The following KNL1 variants were observed in gnomAD, a reference collection of about 807,000 sequenced individuals.
The protein encoded by KNL1 is kinetochore scaffold 1, also known as outer kinetochore KNL1 complex subunit KNL1.
A neutral mutation model predicts 201.3 loss-of-function variants in KNL1; 66 were observed. The ratio of observed to expected loss-of-function variants is 0.33; its 90% CI spans 0.27 to 0.40. KNL1 has a LOEUF of 0.40. Ranked by LOEUF, KNL1 falls within the 10% of genes least tolerant of loss-of-function variation. KNL1 has a pLI of 1.00. For synonymous variants in KNL1, 895 were observed against 899.2 expected (o/e 1.00, Z 0.08); for missense variants, 2,815 against 2,690.5 (o/e 1.05, Z -1.02).
At chr15:40,604,093 C>T (rs1891896555) in intron 2 of KNL1, among the ~76,000 whole-genome samples, 1 of 151,230 alleles carries the variant, frequency 6.6e-6, no homozygotes, top group South Asian at 2.1e-4. Context: ...GTTCTGCCTC[C>T]TACCTCAAGA....
chr15:40,609,841 TTAAAAA>T (rs1398596144), intron 5 of KNL1, among the ~76,000 whole-genome samples: 5 of 151,910 alleles, frequency 3.3e-5, no homozygotes, highest in African/African-American at 1.2e-4. Flanking sequence ...AGAATCTTAG[TTAAAAA>T]TAAATAAATA....
intron 7 of KNL1, among the ~76,000 whole-genome samples, chr15:40,614,100 C>CTT (rs1567003428): frequency 8.1e-6 from 1 of 123,330 alleles, no homozygotes; most frequent in Non-Finnish European, 1.7e-5. Context: ...GCCTGGCCCC[C>CTT]CTTTTTTTTT....
chr15:40,603,432 T>C (rs140236638), intron 2 of KNL1, among the ~76,000 whole-genome samples: 1 of 152,272 alleles, frequency 6.6e-6, no homozygotes, highest in East Asian at 1.9e-4. Flanking sequence ...CAAAAAGAAG[T>C]AGATGTTACA....
intron 2 of KNL1, among the ~76,000 whole-genome samples, chr15:40,604,447 A>C (rs147465884): frequency 6.6e-5 from 10 of 152,298 alleles, no homozygotes; most frequent in African/African-American, 2.4e-4. Flanking sequence ...CCTGGGCTCA[A>C]GTGATTCTCC....
At chr15:40,614,693 C>T (rs544619978) in intron 7 of KNL1, among the ~76,000 whole-genome samples, 59 of 152,238 alleles carry the variant, frequency 3.9e-4, no homozygotes, top group African/African-American at 1.3e-3. Flanking sequence ...TCTTATAGCA[C>T]TTTCTATGTT....
chr15:40,640,898 A>T lies in KNL1; in HGVS notation c.5683-14A>T, dbSNP rs1260996803. ...CAAGATACCAGTTCTCAGGGACTGA[A>T]TTTTTTTTTCCAGTTTACTGTAAAC... On this transcript the variant is annotated splice_polypyrimidine_tract_variant and intron_variant, in intron 13 of 25. Transcript: ENST00000399668. 1.3e-6 allele frequency: 2 copies of T among 1,507,454 alleles called. No individual in the cohort carries two copies. Among genetic ancestry groups the T allele is most frequent in the Non-Finnish European group, 1.8e-6 (2 of 1,088,952 alleles). 93.4% of individuals were successfully genotyped at this position (1,507,454 alleles called of 1,614,324 possible).
chr15:40,621,815 AATG>A lies in KNL1; in HGVS notation c.1555_1557del (p.Met519del), dbSNP rs755401998. On this transcript the variant is annotated inframe_deletion, in exon 10 of 26. Transcript: ENST00000399668. ...CAGCTGCACCAACACCCGAAAAAGAAATGATGCTCCAAAATCTTATGACCACAT... is the reference window on the plus strand; with the variant it reads ...CAGCTGCACCAACACCCGAAAAAGAAATGCTCCAAAATCTTATGACCACAT... 1 of 1,613,998 alleles carries A rather than the reference AATG, an allele frequency of 6.2e-7. No individual in the cohort carries two copies. Among genetic ancestry groups the A allele is most frequent in the East Asian group, 2.2e-5 (1 of 44,872 alleles).
chr15:40,624,242 T>A lies in KNL1; in HGVS notation c.3978T>A (p.Asp1326Glu). The change falls in exon 10 of 26, where the codon GAT becomes GAA. Residue 1326 changes from aspartate (D) to glutamate (E), a missense_variant. By Grantham distance (45) the Asp-to-Glu change is conservative. Transcript: ENST00000399668. The part of the protein sequence containing the change: ...EGSAMLLCDK[D>E]EEKANYCPVQ... ...GTGCCATGCTCTTATGTGATAAAGATGAGGAAAAAGCCAATTATTGCCCAG... is the reference window on the plus strand; with the variant it reads ...GTGCCATGCTCTTATGTGATAAAGAAGAGGAAAAAGCCAATTATTGCCCAG... 2 of 1,614,022 alleles carry A rather than the reference T, an allele frequency of 1.2e-6. No individual in the cohort carries two copies.
intron 14 of KNL1, 142 bp downstream of exon 14, chr15:40,641,169 G>C (rs965130899): frequency 1.8e-6 from 1 of 565,034 alleles, no homozygotes; most frequent in Non-Finnish European, 3.1e-6. Context: ...GGGAGAAAGA[G>C]CTTTGGCCTC....
intron 25 of KNL1, among the ~76,000 whole-genome samples, chr15:40,659,892 T>TGTGTGTGTG (rs879552542): frequency 8.3e-6 from 1 of 120,096 alleles, no homozygotes; most frequent in African/African-American, 3.1e-5. Flanking sequence ...TTTGAAGAAT[T>TGTGTGTGTG]TATGTGTGTG....
At chr15:40,631,026 G>A (rs1447846630) in intron 13 of KNL1, among the ~76,000 whole-genome samples, 1 of 152,150 alleles carries the variant, frequency 6.6e-6, no homozygotes, top group African/African-American at 2.4e-5. Context: ...GCTGAGGTGG[G>A]AGGATGGCTT....
At position 40,606,409 on chromosome 15, in the gene KNL1, G is replaced by A. The variant is rs762308304; in HGVS notation, c.92G>A (p.Arg31Lys). ...RRHSSILKPP[R>K]SPLQDLRGGN... The stretch of plus-strand genomic sequence containing the variant: ...TTACCCTAGATATTGAAACCCCCAA[G>A]GAGTCCTCTTCAGGACCTCAGAGGT... Residue 31 changes from arginine (R) to lysine (K), a missense_variant, in exon 4 of 26, where the codon AGG (arginine) becomes AAG (lysine). Around this residue, in one of 3 missense-constraint regions of KNL1, gnomAD observed 2,464 missense variants for 2,291.7 expected, o/e 1.08. Transcript: ENST00000399668. 8.9e-6 allele frequency: 14 copies of A among 1,580,292 alleles called. No individual in the cohort carries two copies. The Admixed American group carries it at 1.7e-4, about 19-fold the overall frequency.
intron 13 of KNL1, among the ~76,000 whole-genome samples, chr15:40,638,585 G>C (rs1167192283): frequency 6.6e-6 from 1 of 151,640 alleles, no homozygotes; most frequent in Non-Finnish European, 1.5e-5. Flanking sequence ...TCCGCCTCCC[G>C]GGTTCAAGTG....
At chr15:40,615,406 T>A in intron 8 of KNL1, 28 bp downstream of exon 8, 1 of 620,298 alleles carries the variant, frequency 1.6e-6, no homozygotes, top group South Asian at 1.8e-5. Context: ...ACTTTTCTTA[T>A]AGTAAGATAG....
chr15:40,598,256 T>C (rs1213289608), intron 1 of KNL1, among the ~76,000 whole-genome samples: 2 of 152,066 alleles, frequency 1.3e-5, no homozygotes, highest in Non-Finnish European at 2.9e-5. Flanking sequence ...AAATAATTGT[T>C]TCTTAATTAC....
At chr15:40,647,133 A>G (rs1398159000) in intron 17 of KNL1, 59 bp downstream of exon 17, 9 of 828,442 alleles carry the variant, frequency 1.1e-5, no homozygotes, top group African/African-American at 1.7e-5. Flanking sequence ...ATGCTCTCCT[A>G]CAGTAGAGAA....
chr15:40,624,748 G>A lies in KNL1; in HGVS notation c.4484G>A (p.Ser1495Asn), dbSNP rs749680600. Residue 1495 changes from serine (S) to asparagine (N), a missense_variant, in exon 10 of 26, where the codon AGT becomes AAT. Ser to Asn is a conservative substitution (Grantham distance 46, BLOSUM62 1). Around this residue, in one of 3 missense-constraint regions of KNL1, gnomAD observed 2,464 missense variants for 2,291.7 expected, o/e 1.08. Transcript: ENST00000399668. ...ICENKPKILN[S>N]EEWFAAACKK... ...GAAAACAAGCCCAAAATACTCAATAGTGAGGAATGGTTTGCTGCAGCCTGT... is the reference window on the plus strand; with the variant it reads ...GAAAACAAGCCCAAAATACTCAATAATGAGGAATGGTTTGCTGCAGCCTGT... The A allele has an allele frequency of 1.2e-6, 2 of 1,613,818 alleles. No homozygotes were observed. Among genetic ancestry groups the A allele is most frequent in the Non-Finnish European group, 1.7e-6 (2 of 1,179,930 alleles).
At chr15:40,629,234 A>G (rs1376310358) in intron 12 of KNL1, 39 bp from the exon 13 acceptor site, 1 of 1,172,794 alleles carries the variant, frequency 8.5e-7, no homozygotes, top group East Asian at 2.4e-5. Flanking sequence ...AAGTGAAATC[A>G]CATTGAATGG....
chr15:40,614,240 G>A lies in KNL1; in HGVS notation c.285-1101G>A, dbSNP rs192177121. On this transcript the variant is annotated intron_variant, in intron 7 of 25. Transcript: ENST00000399668. ...AGCCTCCCGAGTACCTGGGACTACA[G>A]GTGCACACCACCACGCCCAGCCAAT... Among the ~76,000 whole-genome samples the A allele has an allele frequency of 1.9e-4, 29 of 152,152 alleles. No individual in the cohort carries two copies. The East Asian group carries it at 5.0e-3, about 26-fold the overall frequency.
Sources: allele counts gnomAD v4.1 joint callset (sites outside exome capture counted in the v4.1 genomes callset), GRCh38; gene constraint gnomAD v4.1.1; regional missense constraint gnomAD v4.1.1; transcripts MANE v1.5; gene names NCBI Gene and HGNC (gene_info 2026-07-23, HGNC 2026-07-21).